The following TRIO variants were observed in gnomAD, a reference collection of about 807,000 sequenced individuals.
TRIO encodes trio Rho guanine nucleotide exchange factor.
A neutral mutation model predicts 351.9 loss-of-function variants in TRIO; 58 were observed. The ratio of observed to expected loss-of-function variants is 0.16; its 90% CI spans 0.13 to 0.21. The LOEUF is 0.21. Ranked by LOEUF, TRIO falls within the 10% of genes least tolerant of loss-of-function variation. The pLI is 1.00. For missense variants in TRIO, 3,201 were observed against 4,027.8 expected (o/e 0.79, Z 5.56); for synonymous variants, 1,758 against 1,595.7 (o/e 1.10, Z -2.42).
In TRIO at chr5:14,364,760, C is replaced by T; in HGVS notation, c.2698C>T (p.Arg900Trp). The change falls in exon 15 of 57, where the codon CGG becomes TGG. Residue 900 changes from arginine (R) to tryptophan (W), a missense_variant. Physicochemically the swap from Arg to Trp is moderately radical, Grantham distance 101 (BLOSUM62 -3). This residue lies in a region of TRIO where 363 missense variants were observed against 553.5 expected (regional missense o/e 0.66). Coordinates refer to ENST00000344204, the MANE Select transcript of TRIO (RefSeq NM_007118.4). ...ATTGGATTTAGCCGCAGAGCAGCAT[C>T]GGAAACACCTGGAGCAGTGCGTGCA... ...QELDLAAEQH[R>W]KHLEQCVQLR... 1.2e-6 allele frequency: 2 copies of T among 1,612,484 alleles called. No individual in the cohort carries two copies. Among genetic ancestry groups the T allele is most frequent in the Non-Finnish European group, 8.5e-7 (1 of 1,180,008 alleles).
At chr5:14,450,360 C>T (rs1007187529) in intron 34 of TRIO, among the ~76,000 whole-genome samples, 11 of 152,214 alleles carry the variant, frequency 7.2e-5, no homozygotes, top group African/African-American at 1.4e-4. Context: ...TGTGTTCTGG[C>T]ATTCAGGGTC....
At chr5:14,448,403 A>G (rs1388445120) in intron 34 of TRIO, among the ~76,000 whole-genome samples, 2 of 152,228 alleles carry the variant, frequency 1.3e-5, no homozygotes, top group Admixed American at 6.5e-5. Context: ...CCTCCATCAG[A>G]GCGTGGGTTG....
intron 1 of TRIO, among the ~76,000 whole-genome samples, chr5:14,177,558 T>C (rs28014): frequency 0.42 from 64,005 of 152,004 alleles, 15,963 homozygotes; most frequent in African/African-American, 0.7. Flanking sequence ...TGGTTTATGA[T>C]CAGATAGGAA....
chr5:14,187,888 A>G (rs1038648384), intron 1 of TRIO, among the ~76,000 whole-genome samples: 1 of 152,194 alleles, frequency 6.6e-6, no homozygotes, highest in Non-Finnish European at 1.5e-5. Flanking sequence ...TCTTATGGGG[A>G]TAAATGTGTT....
At chr5:14,403,668 TGGTGAGGGTGCAG>T in intron 31 of TRIO, among the ~76,000 whole-genome samples, 1 of 130,094 alleles carries the variant, frequency 7.7e-6, no homozygotes, top group Admixed American at 7.6e-5. Flanking sequence ...GTGCAGGTGG[TGGTGAGGGTGCAG>T]GTGGTGGTGA....
chr5:14,185,611 C>G (rs1436977162), intron 1 of TRIO, among the ~76,000 whole-genome samples: 1 of 152,144 alleles, frequency 6.6e-6, no homozygotes, highest in African/African-American at 2.4e-5. Context: ...GGCCAAATGC[C>G]TAGGAAAGGG....
chr5:14,348,966 G>A (rs1476756544), intron 11 of TRIO, among the ~76,000 whole-genome samples: 5 of 151,154 alleles, frequency 3.3e-5, no homozygotes, highest in Non-Finnish European at 5.9e-5. Flanking sequence ...GAGCATGTGT[G>A]TTTTTCCTGT....
chr5:14,412,771 C>A (rs1305731990), intron 33 of TRIO, among the ~76,000 whole-genome samples: 1 of 152,226 alleles, frequency 6.6e-6, no homozygotes, highest in African/African-American at 2.4e-5. Context: ...GCACTCCCAA[C>A]CGCAGTTGAC....
At chr5:14,296,954 G>A (rs1389914543) in intron 6 of TRIO, 118 bp from the exon 7 acceptor site, 5 of 728,310 alleles carry the variant, frequency 6.9e-6, no homozygotes, top group Non-Finnish European at 1.1e-5. Flanking sequence ...GATGCTCCTG[G>A]GAGAGATGTG....
Position 14,492,593 on chromosome 5 carries a change from C to T in TRIO, c.7659C>T (p.Ile2553=). 1 of 1,614,112 alleles carries T rather than the reference C, an allele frequency of 6.2e-7. No homozygotes were observed. The highest frequency in any genetic ancestry group is 8.5e-7 in the Non-Finnish European group (1 of 1,180,012). ...NGSESSSSSN[I]STMLVTHDYT... Reference sequence around the variant, plus strand: ...GTGAAAGCAGCAGCAGTAGCAACATCTCCACCATGTTGGTGACACACGATT... The same window carrying T: ...GTGAAAGCAGCAGCAGTAGCAACATTTCCACCATGTTGGTGACACACGATT... Residue 2553 remains isoleucine (I), a synonymous_variant, in exon 49 of 57, where the codon ATC becomes ATT. Coordinates refer to ENST00000344204, the MANE Select transcript of TRIO (RefSeq NM_007118.4).
intron 21 of TRIO, among the ~76,000 whole-genome samples, chr5:14,383,791 T>A (rs904036304): frequency 1.3e-5 from 2 of 152,204 alleles, no homozygotes; most frequent in African/African-American, 4.8e-5. Context: ...AGATGTCCTT[T>A]GATTTTTCAT....
chr5:14,495,082 G>A (rs181873544), intron 49 of TRIO, among the ~76,000 whole-genome samples: 3 of 152,332 alleles, frequency 2.0e-5, no homozygotes, highest in Non-Finnish European at 2.9e-5. Context: ...TTAATTAACA[G>A]TGGTTTGGAA....
Position 14,485,093 on chromosome 5 carries a change from A to G in TRIO, c.6682A>G (p.Asn2228Asp). ...GGTGAGTTGCCTTTGCCTGGAGGAA[A>G]ATGTGGAAAATGATCCCTGTAAATT... ...IKVSCLCLEENVENDPCKFAL... is the reference protein window; with the variant it reads ...IKVSCLCLEEDVENDPCKFAL... The change falls in exon 47 of 57, where the codon AAT (asparagine) becomes GAT (aspartate). Residue 2228 changes from asparagine (N) to aspartate (D), a missense_variant. This residue lies in a region of TRIO where 1,089 missense variants were observed against 954.9 expected (regional missense o/e 1.14). Transcript: ENST00000344204. 6.5e-7 allele frequency: 1 copy of G among 1,545,436 alleles called. No individual in the cohort carries two copies. Among genetic ancestry groups the G allele is most frequent in the Non-Finnish European group, 8.8e-7 (1 of 1,139,488 alleles).
intron 34 of TRIO, among the ~76,000 whole-genome samples, chr5:14,445,218 C>G (rs575451337): frequency 1.3e-5 from 2 of 152,202 alleles, no homozygotes; most frequent in East Asian, 1.9e-4. Flanking sequence ...TCCTCATTTC[C>G]TCTTCCTGTC....
At chr5:14,336,469 T>A (rs1741429662) in intron 10 of TRIO, 67 bp from the exon 11 acceptor site, 1 of 1,532,796 alleles carries the variant, frequency 6.5e-7, no homozygotes, top group African/African-American at 1.4e-5. Context: ...CTATATATTA[T>A]GGCGCCCAGC....
intron 1 of TRIO, among the ~76,000 whole-genome samples, chr5:14,178,455 A>G (rs973461023): frequency 2.6e-5 from 4 of 152,226 alleles, no homozygotes; most frequent in Admixed American, 2.0e-4. Context: ...GAAAGGTGAC[A>G]GGTGTTGCTG....
Position 14,286,616 on chromosome 5 carries a change from A to T in TRIO, c.348-255A>T, listed in dbSNP as rs989880822. Among the ~76,000 whole-genome samples the T allele has an allele frequency of 6.6e-6, 1 of 152,204 alleles. No homozygotes were observed. The highest frequency in any genetic ancestry group is 1.5e-5 in the Non-Finnish European group (1 of 68,038). Reference sequence around the variant, plus strand: ...GTTGTTTTCCTGAAAAGAAGACGGGATGCAAAACCATTAATACAAAATTGA... The same window carrying T: ...GTTGTTTTCCTGAAAAGAAGACGGGTTGCAAAACCATTAATACAAAATTGA... On this transcript the variant is annotated intron_variant, in intron 3 of 56. Transcript: ENST00000344204. This position sits in a 1 kb window ranked among gnomAD's most constrained non-coding sequence, Gnocchi z 4.4.
At chr5:14,423,009 A>G (rs1009621018) in intron 34 of TRIO, among the ~76,000 whole-genome samples, 17 of 152,230 alleles carry the variant, frequency 1.1e-4, no homozygotes, top group Admixed American at 1.0e-3. Flanking sequence ...GGAAGCTTGC[A>G]TGTCCCGGTG....
chr5:14,388,996 G>T (rs906017889), intron 24 of TRIO, among the ~76,000 whole-genome samples: 1 of 152,100 alleles, frequency 6.6e-6, no homozygotes, highest in Admixed American at 6.5e-5. Flanking sequence ...ATTATGACTG[G>T]CAACTAATAC....
Sources: allele counts gnomAD v4.1 joint callset (sites outside exome capture counted in the v4.1 genomes callset), GRCh38; gene constraint gnomAD v4.1.1; regional missense constraint gnomAD v4.1.1; non-coding constraint Gnocchi (gnomAD v3.1); transcripts MANE v1.5; gene names NCBI Gene and HGNC (gene_info 2026-07-23, HGNC 2026-07-21).